The following CDH18 variants were observed in gnomAD, a reference collection of about 807,000 sequenced individuals.
The protein encoded by CDH18 is cadherin 18.
Under a neutral mutation model 67.9 loss-of-function variants are expected in CDH18, and 31 were observed. The ratio of observed to expected loss-of-function variants is 0.46; its 90% CI spans 0.34 to 0.62. The LOEUF (loss-of-function observed/expected upper bound fraction) is 0.62. CDH18 is among the 20% of genes least tolerant of loss of function. CDH18 has a pLI of 0.01. For synonymous variants in CDH18, 362 were observed against 347.2 expected (o/e 1.04, Z -0.48); for missense variants, 890 against 975.5 (o/e 0.91, Z 1.17).
At chr5:19,966,949 A>C (rs1797501030) in intron 2 of CDH18, among the ~76,000 whole-genome samples, 1 of 152,070 alleles carries the variant, frequency 6.6e-6, no homozygotes, top group African/African-American at 2.4e-5. Context: ...TAGTGAAAAA[A>C]TGTACTAATA....
At position 20,320,668 on chromosome 5, in the gene CDH18, A is replaced by G. The variant is rs531304461; in HGVS notation, c.-579-65163T>C. Among the ~76,000 whole-genome samples, 5 of 152,224 alleles carry G rather than the reference A, an allele frequency of 3.3e-5. No individual in the cohort carries two copies. The South Asian group carries it at 1.0e-3, about 32-fold the overall frequency. On this transcript the variant is annotated intron_variant, in intron 1 of 14. Coordinates refer to the CDH18 transcript ENST00000507958. ...CCATTTCTCCAGAGTCCTCCTTCTG[A>G]GAAGTTTGCTGTATAGCAAAGGGGC...
intron 2 of CDH18, among the ~76,000 whole-genome samples, chr5:19,975,702 T>C (rs1286745719): frequency 6.6e-6 from 1 of 152,186 alleles, no homozygotes; most frequent in Non-Finnish European, 1.5e-5. Flanking sequence ...ATTAGAACAA[T>C]CTGGTTTTTC....
At chr5:20,204,373 C>T (rs1296588951) in intron 2 of CDH18, among the ~76,000 whole-genome samples, 1 of 151,458 alleles carries the variant, frequency 6.6e-6, no homozygotes, top group Non-Finnish European at 1.5e-5. Flanking sequence ...AAAAAAGTGC[C>T]ATACAAAAGT....
chr5:20,504,969 G>T (rs1754568805), intron 1 of CDH18, among the ~76,000 whole-genome samples: 2 of 151,884 alleles, frequency 1.3e-5, no homozygotes, highest in Non-Finnish European at 2.9e-5. Flanking sequence ...GGGTTTCACT[G>T]TGTTAGCCAG....
intron 2 of CDH18, among the ~76,000 whole-genome samples, chr5:19,972,945 G>C (rs939306070): frequency 1.3e-5 from 2 of 151,804 alleles, no homozygotes; most frequent in Non-Finnish European, 2.9e-5. Flanking sequence ...AAGGGCTTTT[G>C]TGCCGTTTCT....
intron 1 of CDH18, among the ~76,000 whole-genome samples, chr5:20,451,986 C>A (rs1750487032): frequency 6.6e-6 from 1 of 152,032 alleles, no homozygotes; most frequent in Non-Finnish European, 1.5e-5. Context: ...TTTAAGAAAA[C>A]CATGTAAAGA....
intron 1 of CDH18, among the ~76,000 whole-genome samples, chr5:20,511,834 G>C (rs1755053585): frequency 6.6e-6 from 1 of 152,046 alleles, no homozygotes; most frequent in African/African-American, 2.4e-5. Flanking sequence ...CAAACTTTTG[G>C]TTTTATTTGT....
chr5:20,472,795 G>A (rs1752180904), intron 1 of CDH18, among the ~76,000 whole-genome samples: 1 of 152,086 alleles, frequency 6.6e-6, no homozygotes, highest in South Asian at 2.1e-4. Context: ...CTACAAAACA[G>A]GAATCATCAC....
intron 1 of CDH18, among the ~76,000 whole-genome samples, chr5:20,308,765 G>A (rs1736718388): frequency 6.6e-6 from 1 of 152,118 alleles, no homozygotes; most frequent in Admixed American, 6.6e-5. Flanking sequence ...GGTAGGCAAT[G>A]ACCTAACTCA....
At chr5:20,000,888 A>G (rs1386921052) in intron 2 of CDH18, among the ~76,000 whole-genome samples, 2 of 152,164 alleles carry the variant, frequency 1.3e-5, no homozygotes, top group South Asian at 2.1e-4. Context: ...AAAACACTAC[A>G]AGATATTTAG....
intron 3 of CDH18, among the ~76,000 whole-genome samples, chr5:19,785,049 T>C (rs1008717058): frequency 6.6e-6 from 1 of 152,152 alleles, no homozygotes; most frequent in Non-Finnish European, 1.5e-5. Flanking sequence ...TTCCTCTCTG[T>C]AATATATAAA....
intron 3 of CDH18, chr5:19,804,151 A>T (rs1055544005): frequency 3.3e-5 from 5 of 150,604 alleles, no homozygotes; most frequent in African/African-American, 1.2e-4. Context: ...AAATACGAAA[A>T]ATTAGCCGGG....
intron 1 of CDH18, among the ~76,000 whole-genome samples, chr5:20,446,852 C>A (rs1183629327): frequency 1.3e-5 from 2 of 152,136 alleles, no homozygotes; most frequent in Non-Finnish European, 2.9e-5. Context: ...TAAGTGTGGT[C>A]AGCAGTAAGT....
At chr5:20,288,260 T>G (rs1302291733) in intron 1 of CDH18, among the ~76,000 whole-genome samples, 1 of 151,722 alleles carries the variant, frequency 6.6e-6, no homozygotes, top group African/African-American at 2.4e-5. Flanking sequence ...TAGAAATCAT[T>G]TATGACAATT....
At chr5:19,554,857 A>G (rs920324848) in intron 8 of CDH18, among the ~76,000 whole-genome samples, 1 of 152,118 alleles carries the variant, frequency 6.6e-6, no homozygotes, top group African/African-American at 2.4e-5. Context: ...ATTATTAATT[A>G]ATAATTTAAT....
At chr5:20,472,110 T>C (rs1752135494) in intron 1 of CDH18, among the ~76,000 whole-genome samples, 1 of 152,070 alleles carries the variant, frequency 6.6e-6, no homozygotes, top group Admixed American at 6.5e-5. Flanking sequence ...AGTTTTTTCA[T>C]GTAACCTTAA....
chr5:20,509,228 A>C (rs1754863891), intron 1 of CDH18, among the ~76,000 whole-genome samples: 1 of 152,100 alleles, frequency 6.6e-6, no homozygotes, highest in South Asian at 2.1e-4. Context: ...TCCTTTGTCC[A>C]ACATTTCTTC....
intron 1 of CDH18, among the ~76,000 whole-genome samples, chr5:20,273,854 C>A (rs972140603): frequency 1.3e-5 from 2 of 152,032 alleles, no homozygotes; most frequent in Admixed American, 1.3e-4. Context: ...TCAGTCATTA[C>A]AGGTTAAAGT....
At chr5:19,614,153 G>A (rs1296711303) in intron 5 of CDH18, among the ~76,000 whole-genome samples, 1 of 151,860 alleles carries the variant, frequency 6.6e-6, no homozygotes, top group Admixed American at 6.6e-5. Flanking sequence ...GCAGAAAGGA[G>A]TATTCAATGA....
Sources: gnomAD v4.1 joint callset for allele counts (sites outside exome capture counted in the v4.1 genomes callset) on GRCh38, gnomAD v4.1.1 for gene constraint, MANE v1.5 for transcripts, NCBI Gene and HGNC (gene_info 2026-07-23, HGNC 2026-07-21) for gene names.